Variants in TRIM34 observed in about 807,000 individuals in gnomAD.
TRIM34 encodes E3 ubiquitin-protein ligase TRIM34.
TRIM34 carries 41 observed loss-of-function variants against 38.1 expected under a neutral mutation model. That is an observed-to-expected ratio of 1.08 (90% CI 0.84 to 1.40). The LOEUF (loss-of-function observed/expected upper bound fraction) is 1.40. Ranked by LOEUF, TRIM34 falls within the 40% of genes most tolerant of loss-of-function variation. The pLI is 0.00. For missense variants in TRIM34, 556 were observed against 571.4 expected (o/e 0.97, Z 0.27); for synonymous variants, 200 against 202.5 (o/e 0.99, Z 0.10).
In TRIM34 at chr11:5,643,945, G is replaced by A. The variant is rs1456964489; in HGVS notation, c.*236G>A. On this transcript the variant is annotated 3_prime_UTR_variant, in exon 8 of 8. Coordinates refer to ENST00000429814, the MANE Select transcript of TRIM34 (RefSeq NM_021616.6). ...CCCTCCTAAAGACACAGCAGTATGG[G>A]TATAACATCCTTGCCTTCCCATTTA... is the stretch of plus-strand genomic sequence containing the variant. 3.7e-6 allele frequency: 2 copies of A among 538,256 alleles called. No individual in the cohort carries two copies. The highest frequency in any genetic ancestry group is 3.1e-5 in the East Asian group (1 of 31,920). The allele number at this position is 538,256 out of a possible 1,614,324, so 33.3% of individuals were successfully genotyped here.
upstream of TRIM34, among the ~76,000 whole-genome samples, chr11:5,624,222 A>G (rs1849107428): frequency 6.6e-6 from 1 of 152,320 alleles, no homozygotes; most frequent in African/African-American, 2.4e-5. Flanking sequence ...TACCTGGAAG[A>G]CTTTTCATTT....
At chr11:5,622,423 C>T (rs1336642427), upstream of TRIM34, among the ~76,000 whole-genome samples, 6 of 145,986 alleles carry the variant, frequency 4.1e-5, no homozygotes, top group Non-Finnish European at 7.4e-5. Context: ...CCAGCCTGGG[C>T]GACAGAGCGA....
Position 5,636,963 on chromosome 11 carries a change from A to G in TRIM34, c.750+2102A>G, listed in dbSNP as rs184653400. 6.6e-3 allele frequency among the ~76,000 whole-genome samples: 1,008 copies of G among 152,236 alleles called. 20 individuals carry two copies. The highest frequency in any genetic ancestry group is 0.033 in the East Asian group (171 of 5,172). On this transcript the variant is annotated intron_variant, in intron 4 of 7. Transcript: ENST00000429814. The stretch of plus-strand genomic sequence containing the variant: ...AGATCGAGATCATCCTGGCTAACAC[A>G]GTGAAACCCCGTCTCTACTAAAAAT...
In TRIM34 at chr11:5,643,400, T is replaced by A; in HGVS notation, c.1158T>A (p.Asn386Lys). ...YVVRRCANRQNLYTKYRPLFG... is the reference protein window; with the variant it reads ...YVVRRCANRQKLYTKYRPLFG... ...TTAGAAGATGTGCAAATCGTCAAAA[T>A]CTTTACACCAAATACAGACCTCTAT... Residue 386 changes from asparagine to lysine, a missense_variant, in exon 8 of 8, where the codon AAT becomes AAA. Asn to Lys is a moderately conservative substitution (Grantham distance 94). Transcript: ENST00000429814. The A allele has an allele frequency of 6.2e-7, 1 of 1,614,092 alleles. No individual in the cohort carries two copies. Among genetic ancestry groups the A allele is most frequent in the Non-Finnish European group, 8.5e-7 (1 of 1,180,010 alleles).
intron 4 of TRIM34, among the ~76,000 whole-genome samples, chr11:5,635,248 C>T (rs1018417049): frequency 2.8e-5 from 4 of 142,406 alleles, no homozygotes; most frequent in Non-Finnish European, 6.1e-5. Flanking sequence ...CAAATGTTCC[C>T]TGTTAATTTT....
rs540896789 is a variant in TRIM34 at position 5,625,479 on chromosome 11, G to A, written c.-78+419G>A. On this transcript the variant is annotated intron_variant, in intron 1 of 7. Coordinates refer to ENST00000429814, the MANE Select transcript of TRIM34 (RefSeq NM_021616.6). ...GAGAAGTTGGTGAAAGGAGGTCTCT[G>A]TTTTCCAAGTGTGTGCAGGGCTTAG... is the stretch of plus-strand genomic sequence containing the variant. Among the ~76,000 whole-genome samples, 63 of 152,304 alleles carry A rather than the reference G, an allele frequency of 4.1e-4. 1 individual carries two copies. The highest frequency in any genetic ancestry group is 7.9e-4 in the Non-Finnish European group (54 of 68,028).
At position 5,632,429 on chromosome 11, in the gene TRIM34, G is replaced by T; in HGVS notation, c.98G>T (p.Ser33Ile). The change falls in exon 2 of 8, where the codon AGC (serine) becomes ATC (isoleucine). Residue 33 changes from serine (S) to isoleucine (I), a missense_variant. By Grantham distance (142) the Ser-to-Ile change is moderately radical. Coordinates refer to ENST00000429814, the MANE Select transcript of TRIM34 (RefSeq NM_021616.6). Reference protein sequence around the residue: ...TEPLSLDCGHSLCRACITVSN... With the variant: ...TEPLSLDCGHILCRACITVSN... ...CCCTTGAGTCTAGACTGTGGCCACA[G>T]CCTCTGCCGAGCCTGCATCACTGTG... The T allele has an allele frequency of 6.2e-7, 1 of 1,614,066 alleles. No homozygotes were observed. Among genetic ancestry groups the T allele is most frequent in the Non-Finnish European group, 8.5e-7 (1 of 1,180,008 alleles).
rs373705439 is a variant in TRIM34 at position 5,632,662 on chromosome 11, G to A, written c.331G>A (p.Asp111Asn). The A allele has an allele frequency of 6.2e-7, 1 of 1,612,740 alleles. No homozygotes were observed. The highest frequency in any genetic ancestry group is 8.5e-7 in the Non-Finnish European group (1 of 1,179,840). Residue 111 changes from aspartate to asparagine, a missense_variant, in exon 2 of 8, where the codon GAT becomes AAT. Transcript: ENST00000429814. ...GAAACTCCTACTCTTCTGTAAGGAGGATAGGAAAGTCATTTGCTGGCTTTG... is the reference window on the plus strand; with the variant it reads ...GAAACTCCTACTCTTCTGTAAGGAGAATAGGAAAGTCATTTGCTGGCTTTG... ...GEKLLLFCKEDRKVICWLCER... is the reference protein window; with the variant it reads ...GEKLLLFCKENRKVICWLCER...
In TRIM34 at chr11:5,643,485, T is replaced by C. The variant is rs1850114187; in HGVS notation, c.1243T>C (p.Leu415=). The C allele has an allele frequency of 6.2e-7, 1 of 1,614,206 alleles. No homozygotes were observed. Among genetic ancestry groups the C allele is most frequent in the Non-Finnish European group, 8.5e-7 (1 of 1,180,030 alleles). Reference sequence around the variant, plus strand: ...TAAGTATGGTGTCTTTGAAGAGTCTTTGTCCTCTGATCCCGAGGTTTTGAC... The same window carrying C: ...TAAGTATGGTGTCTTTGAAGAGTCTCTGTCCTCTGATCCCGAGGTTTTGAC... ...KCKYGVFEES[L]SSDPEVLTLS... is the part of the protein sequence containing the mutation. Residue 415 remains leucine (L), a synonymous_variant, in exon 8 of 8, where the codon TTG becomes CTG. Transcript: ENST00000429814.
At chr11:5,628,417 T>C (rs1849334795) in intron 1 of TRIM34, among the ~76,000 whole-genome samples, 1 of 152,216 alleles carries the variant, frequency 6.6e-6, no homozygotes, top group Non-Finnish European at 1.5e-5. Context: ...GTCTGACCAA[T>C]GGTCATTGTA....
chr11:5,631,364 A>G (rs1425148187), intron 1 of TRIM34, among the ~76,000 whole-genome samples: 1 of 152,200 alleles, frequency 6.6e-6, no homozygotes, highest in Non-Finnish European at 1.5e-5. Flanking sequence ...GACCTCTGAA[A>G]GAGAACTCTG....
chr11:5,623,048 AC>A (rs1468988628), upstream of TRIM34, among the ~76,000 whole-genome samples: 7 of 151,844 alleles, frequency 4.6e-5, no homozygotes, highest in Non-Finnish European at 1.0e-4. Flanking sequence ...AAAGGAAGTA[AC>A]CAGATATTCA....
intron 1 of TRIM34, among the ~76,000 whole-genome samples, chr11:5,631,144 A>G (rs980013566): frequency 6.6e-6 from 1 of 152,068 alleles, no homozygotes; most frequent in African/African-American, 2.4e-5. Context: ...CCCTCCCCCA[A>G]CGAATACACA....
chr11:5,636,251 T>C (rs1258098634), intron 4 of TRIM34, among the ~76,000 whole-genome samples: 1 of 152,206 alleles, frequency 6.6e-6, no homozygotes, highest in Non-Finnish European at 1.5e-5. Flanking sequence ...GAAAACATTA[T>C]AATTGAAAGA....
intron 1 of TRIM34, among the ~76,000 whole-genome samples, chr11:5,628,377 A>T (rs1382612058): frequency 1.3e-5 from 2 of 151,812 alleles, no homozygotes; most frequent in African/African-American, 4.8e-5. Flanking sequence ...TATCATATAA[A>T]CTCCTTGTCT....
chr11:5,629,064 G>A (rs1280190938), intron 1 of TRIM34, among the ~76,000 whole-genome samples: 1 of 152,078 alleles, frequency 6.6e-6, no homozygotes, highest in African/African-American at 2.4e-5. Context: ...ATCACCTGAG[G>A]TCAGGAGTTC....
intron 3 of TRIM34, 111 bp from the exon 4 acceptor site, chr11:5,634,520 C>CATATATATATATATATATATAT (rs1314518530): frequency 1.6e-6 from 1 of 636,238 alleles, no homozygotes; most frequent in Non-Finnish European, 2.4e-6. Flanking sequence ...CACACACACA[C>CATATATATATATATATATATAT]ACACACACAC....
At chr11:5,629,827 C>T (rs1282179913) in intron 1 of TRIM34, among the ~76,000 whole-genome samples, 2 of 152,218 alleles carry the variant, frequency 1.3e-5, no homozygotes, top group Non-Finnish European at 2.9e-5. Context: ...CCTGCCTTAG[C>T]CTCCCGAGTA....
At chr11:5,639,836 A>C (rs1012388874) in intron 4 of TRIM34, among the ~76,000 whole-genome samples, 27 of 152,106 alleles carry the variant, frequency 1.8e-4, no homozygotes, top group Middle Eastern at 6.8e-3. Flanking sequence ...TTTAAAAATT[A>C]GTTTTTATTG....
Sources: allele counts gnomAD v4.1 joint callset (sites outside exome capture counted in the v4.1 genomes callset), GRCh38; gene constraint gnomAD v4.1.1; transcripts MANE v1.5; gene names NCBI Gene and HGNC (gene_info 2026-07-23, HGNC 2026-07-21).